The following SMAD9 variants were observed in gnomAD, a reference collection of about 807,000 sequenced individuals.
SMAD9 encodes the protein MAD homolog 9.
A neutral mutation model predicts 46.1 loss-of-function variants in SMAD9; 36 were observed. The ratio of observed to expected loss-of-function variants is 0.78; its 90% confidence interval spans 0.60 to 1.03. The LOEUF (loss-of-function observed/expected upper bound fraction) is 1.03, where lower values mean the gene tolerates loss of function less well. Among genes scored for constraint, SMAD9 ranks in the 50% least tolerant of loss-of-function variants. The probability of loss-of-function intolerance (pLI) is 0.00; values close to 1 mark genes in which losing one functional copy is unlikely to be tolerated. For missense variants in SMAD9, 572 were observed against 599.8 expected (o/e 0.95, Z 0.48); for synonymous variants, 245 against 237.1 (o/e 1.03, Z -0.31).
chr13:36,848,656 T>C lies in SMAD9; in HGVS notation c.*20A>G. The C allele has an allele frequency of 6.2e-7, 1 of 1,613,262 alleles. No individual in the cohort carries two copies. The highest frequency in any genetic ancestry group is 8.5e-7 in the Non-Finnish European group (1 of 1,179,188). ...TGCAATAGCCTCTATCCTATGGAAA[T>C]GCAGCTTAAGACATGACTGTTAAGA... On this transcript the variant is annotated 3_prime_UTR_variant, in exon 7 of 7. Coordinates refer to ENST00000379826, the MANE Select transcript of SMAD9 (RefSeq NM_001127217.3).
chr13:36,873,279 C>T (rs2058314291), intron 2 of SMAD9, among the ~76,000 whole-genome samples: 1 of 152,204 alleles, frequency 6.6e-6, no homozygotes, highest in Non-Finnish European at 1.5e-5. Context: ...ACCTGGCCTT[C>T]TGGCAACCTG....
intron 5 of SMAD9, among the ~76,000 whole-genome samples, chr13:36,863,690 A>G (rs2058205269): frequency 6.6e-6 from 1 of 151,998 alleles, no homozygotes. Flanking sequence ...TCAGTTTGTT[A>G]AAAAGAGACC....
At position 36,853,426 on chromosome 13, in the gene SMAD9, A is replaced by G. The variant is rs1470454604; in HGVS notation, c.1253T>C (p.Phe418Ser). Residue 418 changes from phenylalanine (F) to serine (S), a missense_variant, in exon 6 of 7, where the codon TTT becomes TCT. By Grantham distance (155) the Phe-to-Ser change is radical. Coordinates refer to ENST00000379826, the MANE Select transcript of SMAD9 (RefSeq NM_001127217.3). ...LTKMCTIRMS[F>S]VKGWGAEYHR... The stretch of plus-strand genomic sequence containing the variant: ...ATAGCAAGCACTCCTTACCTTAACA[A>G]AACTCATCCGGATAGTACACATCTT... 6.2e-7 allele frequency: 1 copy of G among 1,613,900 alleles called. No homozygotes were observed. The highest frequency in any genetic ancestry group is 8.5e-7 in the Non-Finnish European group (1 of 1,180,030).
At chr13:36,882,270 C>T (rs952157056) in intron 1 of SMAD9, among the ~76,000 whole-genome samples, 3 of 144,406 alleles carry the variant, frequency 2.1e-5, no homozygotes, top group East Asian at 2.0e-4. Context: ...TATGTGTGTG[C>T]GGTGTATGTG....
intron 1 of SMAD9, among the ~76,000 whole-genome samples, chr13:36,890,598 T>C (rs2058481777): frequency 1.3e-5 from 2 of 152,320 alleles, no homozygotes; most frequent in Admixed American, 1.3e-4. Flanking sequence ...GAAGAGATAT[T>C]TCTCTTTGTT....
At chr13:36,896,140 T>C (rs1478251931) in intron 1 of SMAD9, among the ~76,000 whole-genome samples, 1 of 133,730 alleles carries the variant, frequency 7.5e-6, no homozygotes, top group South Asian at 2.3e-4. Flanking sequence ...TATTTATTTA[T>C]TTATTTATTT....
chr13:36,891,891 T>C lies in SMAD9; in HGVS notation c.-186-12016A>G, dbSNP rs550891922. The stretch of plus-strand genomic sequence containing the variant: ...ACACAAACAAGCACTTCTTTAGATT[T>C]GCAGTTTAGATTCTTAAGGTTGGGA... On this transcript the variant is annotated intron_variant, in intron 1 of 6. Transcript: ENST00000379826. Among the ~76,000 whole-genome samples, 59 of 152,318 alleles carry C rather than the reference T, an allele frequency of 3.9e-4. 1 individual carries two copies. The South Asian group carries it at 8.5e-3, about 22-fold the overall frequency.
intron 6 of SMAD9, among the ~76,000 whole-genome samples, chr13:36,850,545 A>G (rs1031397593): frequency 2.0e-5 from 3 of 151,572 alleles, no homozygotes; most frequent in Non-Finnish European, 2.9e-5. Context: ...CGCCTGGCTA[A>G]TTTTTGTATT....
intron 3 of SMAD9, among the ~76,000 whole-genome samples, chr13:36,869,732 G>T (rs1387590069): frequency 6.6e-6 from 1 of 152,126 alleles, no homozygotes; most frequent in African/African-American, 2.4e-5. Context: ...GGAAGGCTGA[G>T]GCAGGAGAAT....
At chr13:36,891,982 C>CTCA (rs1237395996) in intron 1 of SMAD9, among the ~76,000 whole-genome samples, 10 of 152,236 alleles carry the variant, frequency 6.6e-5, no homozygotes, top group Middle Eastern at 3.4e-3. Flanking sequence ...TAAGGGTGAG[C>CTCA]TCATCCATTG....
chr13:36,852,996 T>C (rs2058087025), intron 6 of SMAD9, among the ~76,000 whole-genome samples: 1 of 152,108 alleles, frequency 6.6e-6, no homozygotes, highest in African/African-American at 2.4e-5. Context: ...TTCAAAAAAA[T>C]TGGTTTTGGG....
intron 1 of SMAD9, among the ~76,000 whole-genome samples, chr13:36,913,978 C>T (rs188218748): frequency 6.6e-6 from 1 of 152,152 alleles, no homozygotes; most frequent in Admixed American, 6.5e-5. Flanking sequence ...GGTGTTCAAT[C>T]CTGCATAGTT....
At chr13:36,866,434 C>G (rs951434503) in intron 4 of SMAD9, among the ~76,000 whole-genome samples, 10 of 152,050 alleles carry the variant, frequency 6.6e-5, no homozygotes, top group African/African-American at 1.9e-4. Context: ...AGTCACTTTC[C>G]TGTAACTAAC....
intron 1 of SMAD9, among the ~76,000 whole-genome samples, chr13:36,899,653 T>A (rs1303256743): frequency 2.0e-5 from 3 of 152,166 alleles, no homozygotes; most frequent in African/African-American, 4.8e-5. Flanking sequence ...AAGCACAATA[T>A]CAAAATGGAA....
intron 1 of SMAD9, among the ~76,000 whole-genome samples, chr13:36,907,169 T>C (rs1227033945): frequency 6.6e-6 from 1 of 152,190 alleles, no homozygotes; most frequent in Non-Finnish European, 1.5e-5. Context: ...CACTTACTTA[T>C]ATGAAATATC....
chr13:36,903,503 T>C (rs2058594950), intron 1 of SMAD9, among the ~76,000 whole-genome samples: 1 of 152,156 alleles, frequency 6.6e-6, no homozygotes, highest in African/African-American at 2.4e-5. Flanking sequence ...TCTTTAGTAT[T>C]TCAAATGTAC....
At chr13:36,919,923 G>A (rs1351402055) in intron 1 of SMAD9, among the ~76,000 whole-genome samples, 193 bp downstream of exon 1, 1 of 150,830 alleles carries the variant, frequency 6.6e-6, no homozygotes, top group Non-Finnish European at 1.5e-5. Flanking sequence ...CTCCCAGGCT[G>A]CCCCGAGGAC....
rs561478535 is a variant in SMAD9, at chr13:36,865,442, A to G, written c.1003+95T>C. 6.2e-4 allele frequency: 633 copies of G among 1,016,812 alleles called. 2 individuals carry two copies. Among genetic ancestry groups the G allele is most frequent in the Middle Eastern group, 1.2e-3 (4 of 3,292 alleles). 63.0% of individuals were successfully genotyped at this position (1,016,812 alleles called of 1,614,324 possible). A position where few individuals can be genotyped will look rare whatever the true frequency, so the allele number is the denominator to read the frequency against. ...CCCTGGGGTCCTTCCACAGGGGCAC[A>G]TGACCAACATGTGAGGGTGGTCACG... is the stretch of plus-strand genomic sequence containing the variant. On this transcript the variant is annotated intron_variant, in intron 5 of 6. Transcript: ENST00000379826.
At chr13:36,911,130 T>A (rs2058657559) in intron 1 of SMAD9, among the ~76,000 whole-genome samples, 1 of 152,078 alleles carries the variant, frequency 6.6e-6, no homozygotes, top group Non-Finnish European at 1.5e-5. Flanking sequence ...TGCAGCCTCC[T>A]GAGTATCTGG....
Sources: allele counts gnomAD v4.1 joint callset (sites outside exome capture counted in the v4.1 genomes callset), GRCh38; gene constraint gnomAD v4.1.1; transcripts MANE v1.5; gene names NCBI Gene and HGNC (gene_info 2026-07-23, HGNC 2026-07-21).